ARFGAP3: variants seen among roughly 807,000 people sequenced by gnomAD.
The protein encoded by ARFGAP3 is ARF GTPase activating protein 3.
In ARFGAP3, 72 loss-of-function variants were observed where a neutral mutation model predicts 75.0. That is an observed-to-expected ratio of 0.96 (90% CI 0.79 to 1.17). The LOEUF (loss-of-function observed/expected upper bound fraction) is 1.17, where lower values mean the gene tolerates loss of function less well. Ranked by LOEUF, ARFGAP3 falls within the 50% of genes most tolerant of loss-of-function variation. The pLI is 0.00. For missense variants in ARFGAP3, 620 were observed against 626.6 expected (o/e 0.99, Z 0.11); for synonymous variants, 221 against 217.9 (o/e 1.01, Z -0.13).
At chr22:42,849,071 A>G (rs934465959) in intron 1 of ARFGAP3, among the ~76,000 whole-genome samples, 1 of 152,156 alleles carries the variant, frequency 6.6e-6, no homozygotes, top group African/African-American at 2.4e-5. Context: ...TGAGGCCCCC[A>G]GTCCAACTGC....
At chr22:42,854,956 A>AC (rs1927433255) in intron 1 of ARFGAP3, among the ~76,000 whole-genome samples, 2 of 121,584 alleles carry the variant, frequency 1.6e-5, no homozygotes, top group African/African-American at 5.9e-5. Context: ...ATTACAGAAT[A>AC]TAAATTTTTC....
intron 12 of ARFGAP3, among the ~76,000 whole-genome samples, chr22:42,810,009 A>T (rs1355657833): frequency 9.3e-5 from 14 of 150,286 alleles, no homozygotes; most frequent in African/African-American, 2.9e-4. Context: ...ATCTTAAAAA[A>T]AAAAAAAAAA....
chr22:42,853,121 G>C (rs1927351690), intron 1 of ARFGAP3, among the ~76,000 whole-genome samples: 1 of 152,182 alleles, frequency 6.6e-6, no homozygotes, highest in African/African-American at 2.4e-5. Context: ...CTTTTATCAT[G>C]TGCTTTCTTA....
At chr22:42,855,506 T>G (rs1304433076) in intron 1 of ARFGAP3, among the ~76,000 whole-genome samples, 1 of 151,624 alleles carries the variant, frequency 6.6e-6, no homozygotes, top group African/African-American at 2.4e-5. Flanking sequence ...ACTGACATGG[T>G]GAAACCTCGT....
intron 14 of ARFGAP3, among the ~76,000 whole-genome samples, chr22:42,800,563 C>G (rs1040505462): frequency 2.0e-5 from 3 of 152,138 alleles, no homozygotes; most frequent in Non-Finnish European, 4.4e-5. Flanking sequence ...GGTCAAGTCC[C>G]TCTCTGAGAA....
chr22:42,855,494 T>G (rs1927455669), intron 1 of ARFGAP3, among the ~76,000 whole-genome samples: 2 of 150,622 alleles, frequency 1.3e-5, no homozygotes, highest in Non-Finnish European at 3.0e-5. Context: ...GAGACCAGAG[T>G]GACTGACATG....
At chr22:42,825,444 C>T (rs948682880) in intron 7 of ARFGAP3, among the ~76,000 whole-genome samples, 5 of 152,000 alleles carry the variant, frequency 3.3e-5, no homozygotes, top group African/African-American at 7.2e-5. Context: ...GAGGCCAAGG[C>T]GGGCAGATCA....
At chr22:42,811,127 G>T in intron 11 of ARFGAP3, 183 bp from the exon 12 acceptor site, 1 of 500,564 alleles carries the variant, frequency 2.0e-6, no homozygotes, top group Non-Finnish European at 2.6e-6. Flanking sequence ...TCAAGTACCT[G>T]TGTTCAACCT....
chr22:42,805,548 C>G (rs2146528426), intron 14 of ARFGAP3, among the ~76,000 whole-genome samples: 1 of 152,278 alleles, frequency 6.6e-6, no homozygotes, highest in South Asian at 2.1e-4. Flanking sequence ...GTTGCCCTGA[C>G]AACAGGCCAG....
chr22:42,798,067 G>A (rs903619713), intron 15 of ARFGAP3, among the ~76,000 whole-genome samples: 4 of 152,174 alleles, frequency 2.6e-5, no homozygotes, highest in Admixed American at 1.3e-4. Flanking sequence ...GATATAAAAG[G>A]GAGCCATCTC....
At chr22:42,804,783 T>C (rs760809381) in intron 14 of ARFGAP3, among the ~76,000 whole-genome samples, 52 of 152,190 alleles carry the variant, frequency 3.4e-4, no homozygotes, top group Non-Finnish European at 6.6e-4. Context: ...CCCAAAGTGT[T>C]GGGATTACAG....
chr22:42,822,361 A>C lies in ARFGAP3; in HGVS notation c.721T>G (p.Cys241Gly), dbSNP rs748124631. ...GCTTGTTTTTCAATTTCATTAAAGC[A>C]TGTGTTTGCCAGTTTCTGAGCTCCC... is the stretch of plus-strand genomic sequence containing the variant. ...SLGAQKLANT[C>G]FNEIEKQAQA... is the part of the protein sequence containing the mutation. Residue 241 changes from cysteine (C) to glycine (G), a missense_variant, in exon 9 of 16, where the codon TGC becomes GGC. Transcript: ENST00000263245. 4 of 1,614,004 alleles carry C rather than the reference A, an allele frequency of 2.5e-6. No individual in the cohort carries two copies. In the African/African-American group the frequency reaches 5.3e-5, roughly 22 times the overall value.
intron 13 of ARFGAP3, 45 bp from the exon 14 acceptor site, chr22:42,807,208 G>C (rs746179612): frequency 6.4e-7 from 1 of 1,557,640 alleles, no homozygotes; most frequent in East Asian, 2.3e-5. Context: ...CAAAGATTGT[G>C]GGCAGTTTTG....
chr22:42,847,577 A>G lies in ARFGAP3; in HGVS notation c.125T>C (p.Val42Ala). 6.2e-7 allele frequency: 1 copy of G among 1,613,726 alleles called. No individual in the cohort carries two copies. Among genetic ancestry groups the G allele is most frequent in the Non-Finnish European group, 8.5e-7 (1 of 1,179,838 alleles). Residue 42 changes from valine (V) to alanine (A), a missense_variant, in exon 2 of 16, where the codon GTG (valine) becomes GCG (alanine). Transcript: ENST00000263245. ...NPSWASITYG[V>A]FLCIDCSGSH... ...CCCTGAGCAATCAATGCAAAGGAAC[A>G]CTCCATAGGTTATGCTTGCCCAGCT...
At chr22:42,807,253 T>C in intron 13 of ARFGAP3, 90 bp from the exon 14 acceptor site, 1 of 1,490,282 alleles carries the variant, frequency 6.7e-7, no homozygotes, top group Non-Finnish European at 8.9e-7. Flanking sequence ...CATTTGAAAG[T>C]GTTTGACCCC....
At chr22:42,839,597 C>G (rs1274059425) in intron 3 of ARFGAP3, among the ~76,000 whole-genome samples, 1 of 112,346 alleles carries the variant, frequency 8.9e-6, no homozygotes, top group East Asian at 3.3e-4. Flanking sequence ...AACTCTGTCT[C>G]AAAAAAAAAA....
At chr22:42,812,224 CAAAA>C (rs3046479) in intron 11 of ARFGAP3, among the ~76,000 whole-genome samples, 2 of 56,630 alleles carry the variant, frequency 3.5e-5, no homozygotes, top group Non-Finnish European at 6.4e-5. Flanking sequence ...GATACTGTCT[CAAAA>C]AAAAAAAAAA....
At chr22:42,802,603 A>ATT (rs544982207) in intron 14 of ARFGAP3, among the ~76,000 whole-genome samples, 9 of 133,176 alleles carry the variant, frequency 6.8e-5, no homozygotes, top group African/African-American at 1.7e-4. Flanking sequence ...CAAAATAAGA[A>ATT]TTTTTTTTTT....
intron 8 of ARFGAP3, among the ~76,000 whole-genome samples, chr22:42,822,836 C>A (rs1268292069): frequency 6.6e-6 from 1 of 151,836 alleles, no homozygotes; most frequent in South Asian, 2.1e-4. Context: ...TTGAGACAGG[C>A]TCTCATGCTG....
Sources: allele counts gnomAD v4.1 joint callset (sites outside exome capture counted in the v4.1 genomes callset), GRCh38; gene constraint gnomAD v4.1.1; transcripts MANE v1.5; gene names NCBI Gene and HGNC (gene_info 2026-07-23, HGNC 2026-07-21).